Variants in PARD3B observed in about 807,000 individuals in gnomAD.
PARD3B encodes partitioning defective 3 homolog B.
In PARD3B, 103 loss-of-function variants were observed where a neutral mutation model predicts 130.2. The observed-to-expected ratio is 0.79, with a 90% CI of 0.67 to 0.93. The LOEUF is 0.93. Ranked by LOEUF, PARD3B falls within the 40% of genes least tolerant of loss-of-function variation. The pLI, the probability that PARD3B is intolerant of heterozygous loss-of-function variation, is 0.00. For synonymous variants in PARD3B, 583 were observed against 553.2 expected (o/e 1.05, Z -0.76); for missense variants, 1,609 against 1,499.2 (o/e 1.07, Z -1.21).
chr2:205,152,308 C>T (rs1575973633), intron 10 of PARD3B, among the ~76,000 whole-genome samples: 1 of 152,112 alleles, frequency 6.6e-6, no homozygotes, highest in Admixed American at 6.5e-5. Flanking sequence ...GTTGGCCTGC[C>T]TTGCTAGGTT....
At chr2:204,901,165 G>T (rs1173748559) in intron 2 of PARD3B, among the ~76,000 whole-genome samples, 1 of 152,118 alleles carries the variant, frequency 6.6e-6, no homozygotes, top group Admixed American at 6.5e-5. Flanking sequence ...AGCCAGCCAG[G>T]CTTGTGTCCT....
intron 15 of PARD3B, among the ~76,000 whole-genome samples, chr2:205,213,328 ACTC>A (rs2037744887): frequency 1.3e-5 from 2 of 151,956 alleles, no homozygotes; most frequent in African/African-American, 2.4e-5. Context: ...AGAATGGCAT[ACTC>A]CTTTGATATT....
At chr2:204,823,302 A>T (rs1482069992) in intron 2 of PARD3B, among the ~76,000 whole-genome samples, 1 of 152,130 alleles carries the variant, frequency 6.6e-6, no homozygotes, top group Non-Finnish European at 1.5e-5. Flanking sequence ...TACATGTACT[A>T]TTATTTTATT....
At chr2:205,444,801 C>T (rs1352514235) in intron 20 of PARD3B, among the ~76,000 whole-genome samples, 1 of 152,080 alleles carries the variant, frequency 6.6e-6, no homozygotes, top group Non-Finnish European at 1.5e-5. Context: ...AAAACAAAGA[C>T]AAAGATGTTT....
At chr2:205,170,650 C>G (rs2035111029) in intron 11 of PARD3B, among the ~76,000 whole-genome samples, 2 of 152,194 alleles carry the variant, frequency 1.3e-5, no homozygotes, top group South Asian at 4.1e-4. Flanking sequence ...TCTCCACTAT[C>G]AGCAGAGGGA....
At chr2:205,363,344 G>A (rs914595113) in intron 18 of PARD3B, among the ~76,000 whole-genome samples, 4 of 152,240 alleles carry the variant, frequency 2.6e-5, no homozygotes, top group Admixed American at 2.6e-4. Context: ...GGAGAGGAGA[G>A]GGGCCTTACC....
chr2:205,120,626 C>T lies in PARD3B; in HGVS notation c.807-965C>T, dbSNP rs887299098. On this transcript the variant is annotated intron_variant, in intron 7 of 22. Coordinates refer to ENST00000406610, the MANE Select transcript of PARD3B (RefSeq NM_001302769.2). ...ACAGTTAGTGCGGCAGCTGCACAGC[C>T]GCCAGTGGGTCAGGCAGCTTCCGTT... Among the ~76,000 whole-genome samples, 14 of 152,290 alleles carry T rather than the reference C, an allele frequency of 9.2e-5. No homozygotes were observed. In the East Asian group the frequency reaches 1.5e-3, roughly 17 times the overall value.
At chr2:205,194,720 G>A (rs996931182) in intron 15 of PARD3B, among the ~76,000 whole-genome samples, 13 of 151,962 alleles carry the variant, frequency 8.6e-5, no homozygotes, top group Non-Finnish European at 1.8e-4. Flanking sequence ...TATGAAACCT[G>A]TAAAAAATAA....
chr2:205,022,245 C>A (rs1193456012), intron 3 of PARD3B, among the ~76,000 whole-genome samples: 3 of 152,172 alleles, frequency 2.0e-5, no homozygotes. Flanking sequence ...ATGCCAGTAT[C>A]TTCTCTAATC....
chr2:204,793,368 T>G (rs1000772868), intron 2 of PARD3B, among the ~76,000 whole-genome samples: 3 of 152,150 alleles, frequency 2.0e-5, no homozygotes, highest in African/African-American at 7.2e-5. Flanking sequence ...TATACATGTT[T>G]TGTTTTGTTT....
At chr2:204,940,214 C>T (rs966480720) in intron 2 of PARD3B, among the ~76,000 whole-genome samples, 2 of 152,164 alleles carry the variant, frequency 1.3e-5, no homozygotes, top group African/African-American at 4.8e-5. Flanking sequence ...GGTTAGTCAC[C>T]ATGCCAGTTG....
Position 205,245,823 on chromosome 2 carries a change from G to T in PARD3B, c.2185+1G>T. ...CACTCATTGGCTGGACAAAAATCGG[G>T]TAAGAAATTCCTTGTAACTGACTAT... On this transcript the variant is annotated splice_donor_variant, in intron 16 of 22. Coordinates refer to ENST00000406610, the MANE Select transcript of PARD3B (RefSeq NM_001302769.2). LOFTEE classifies it high-confidence loss of function. 1.3e-6 allele frequency: 2 copies of T among 1,588,214 alleles called. No individual in the cohort carries two copies. Among genetic ancestry groups the T allele is most frequent in the Non-Finnish European group, 1.7e-6 (2 of 1,156,978 alleles).
intron 2 of PARD3B, among the ~76,000 whole-genome samples, chr2:204,801,049 C>T (rs976005212): frequency 1.4e-4 from 21 of 152,214 alleles, no homozygotes; most frequent in Admixed American, 8.5e-4. Context: ...TCTGAGGCCT[C>T]TGTTCTGTTT....
At chr2:204,568,275 A>T (rs1010959315) in intron 1 of PARD3B, among the ~76,000 whole-genome samples, 8 of 152,216 alleles carry the variant, frequency 5.3e-5, no homozygotes, top group Admixed American at 2.0e-4. Flanking sequence ...TGATTTACAA[A>T]TTTGTTTACT....
At chr2:204,872,879 A>G (rs970508034) in intron 2 of PARD3B, among the ~76,000 whole-genome samples, 4 of 152,166 alleles carry the variant, frequency 2.6e-5, no homozygotes, top group African/African-American at 9.7e-5. Context: ...TTAAACTTTA[A>G]TGTCCCTCTA....
chr2:205,486,534 A>T (rs1235883889), intron 20 of PARD3B, among the ~76,000 whole-genome samples: 1 of 152,200 alleles, frequency 6.6e-6, no homozygotes, highest in Non-Finnish European at 1.5e-5. Context: ...CACGGGCTGT[A>T]CGGGAAACAT....
chr2:205,609,098 G>A (rs541859890), intron 22 of PARD3B, among the ~76,000 whole-genome samples: 6 of 152,124 alleles, frequency 3.9e-5, no homozygotes, highest in African/African-American at 1.4e-4. Context: ...TTATGATTCC[G>A]TAAAATCTGC....
intron 21 of PARD3B, among the ~76,000 whole-genome samples, chr2:205,519,469 G>T (rs181910228): frequency 6.6e-6 from 1 of 152,132 alleles, no homozygotes; most frequent in Non-Finnish European, 1.5e-5. Context: ...TCATCCTTCA[G>T]CTCCTCTATC....
rs1574538516 is a variant in PARD3B, at chr2:205,263,768, T to C, written c.2185+17946T>C. Among the ~76,000 whole-genome samples, 1 of 150,820 alleles carries C rather than the reference T, an allele frequency of 6.6e-6. No homozygotes were observed. Among genetic ancestry groups the C allele is most frequent in the East Asian group, 1.9e-4 (1 of 5,134 alleles). On this transcript the variant is annotated intron_variant, in intron 16 of 22. Coordinates refer to ENST00000406610, the MANE Select transcript of PARD3B (RefSeq NM_001302769.2). This position sits in a 1 kb window ranked among gnomAD's most constrained non-coding sequence, Gnocchi z 4.0. Reference sequence around the variant, plus strand: ...TCTTCAAAAGATACTCTTGAGAAAATGAAAAGACAAGTCACAGACTAAAAA... The same window carrying C: ...TCTTCAAAAGATACTCTTGAGAAAACGAAAAGACAAGTCACAGACTAAAAA...
Sources: gnomAD v4.1 joint callset for allele counts (sites outside exome capture counted in the v4.1 genomes callset) on GRCh38, gnomAD v4.1.1 for gene constraint, Gnocchi (gnomAD v3.1) non-coding constraint, MANE v1.5 for transcripts, NCBI Gene and HGNC (gene_info 2026-07-23, HGNC 2026-07-21) for gene names.